ANO2: variants seen among roughly 807,000 people sequenced by gnomAD.
The protein encoded by ANO2 is anoctamin 2, also known as anoctamin-2.
In ANO2, 101 loss-of-function variants were observed where a neutral mutation model predicts 124.2. The ratio of observed to expected loss-of-function variants is 0.81; its 90% CI spans 0.69 to 0.96. The LOEUF (loss-of-function observed/expected upper bound fraction) is 0.96, where lower values mean the gene tolerates loss of function less well. Ranked by LOEUF, ANO2 falls within the 40% of genes least tolerant of loss-of-function variation. The pLI, the probability that ANO2 is intolerant of heterozygous loss-of-function variation, is 0.00. For synonymous variants in ANO2, 486 were observed against 482.5 expected (o/e 1.01, Z -0.09); for missense variants, 1,293 against 1,274.5 (o/e 1.01, Z -0.22).
At chr12:5,734,876 C>T (rs1406474517) in intron 13 of ANO2, among the ~76,000 whole-genome samples, 2 of 152,190 alleles carry the variant, frequency 1.3e-5, no homozygotes, top group Non-Finnish European at 2.9e-5. Flanking sequence ...TCTTGAACTC[C>T]TAACCTCAGG....
At position 5,904,098 on chromosome 12, in the gene ANO2, C is replaced by T. The variant is rs766674863; in HGVS notation, c.534+16942G>A. 9.2e-5 allele frequency among the ~76,000 whole-genome samples: 14 copies of T among 152,208 alleles called. No homozygotes were observed. Among genetic ancestry groups the T allele is most frequent in the Non-Finnish European group, 1.9e-4 (13 of 68,036 alleles). On this transcript the variant is annotated intron_variant, in intron 3 of 24. Transcript: ENST00000682330. The surrounding 1 kb of genome is among the most constrained non-coding windows in gnomAD (Gnocchi z 4.1). ...ACCACATGATCATCCCCTCTTTCTT[C>T]ATCCCAGAGCAATGCAGGCCTCTGT...
intron 16 of ANO2, among the ~76,000 whole-genome samples, 165 bp from the exon 17 acceptor site, chr12:5,615,462 G>C (rs997194689): frequency 4.6e-5 from 7 of 152,276 alleles, no homozygotes; most frequent in African/African-American, 1.4e-4. Context: ...GGAGGCCCCA[G>C]GTGGTCTGCC....
At chr12:5,633,150 A>C (rs1945817166) in intron 16 of ANO2, among the ~76,000 whole-genome samples, 1 of 152,190 alleles carries the variant, frequency 6.6e-6, no homozygotes. Context: ...GGGTGAGAGA[A>C]GGAGGAGTAG....
chr12:5,659,363 T>C (rs2136970553), intron 14 of ANO2, among the ~76,000 whole-genome samples: 1 of 152,240 alleles, frequency 6.6e-6, no homozygotes, highest in Non-Finnish European at 1.5e-5. Flanking sequence ...TGCAAAATGG[T>C]CTTGCTCCCC....
In ANO2 at chr12:5,849,726, C is replaced by A. The variant is rs184059278; in HGVS notation, c.633+4317G>T. Among the ~76,000 whole-genome samples, 371 of 152,242 alleles carry A rather than the reference C, an allele frequency of 2.4e-3. 2 individuals carry two copies. Among genetic ancestry groups the A allele is most frequent in the Non-Finnish European group, 4.1e-3 (276 of 68,006 alleles). The stretch of plus-strand genomic sequence containing the variant: ...ATTTTGTGATTTCCTCCCCATCTTC[C>A]CAGTCTCTCTGGACCCCACCGAGTT... On this transcript the variant is annotated intron_variant, in intron 4 of 24. Transcript: ENST00000682330.
chr12:5,750,266 T>TA (rs942444913), intron 11 of ANO2, among the ~76,000 whole-genome samples: 5 of 152,212 alleles, frequency 3.3e-5, no homozygotes, highest in Admixed American at 3.3e-4. Context: ...CTCTTCCTCA[T>TA]AAAAACTAGC....
intron 3 of ANO2, among the ~76,000 whole-genome samples, chr12:5,894,631 G>A (rs111875077): frequency 3.9e-5 from 6 of 152,066 alleles, no homozygotes; most frequent in African/African-American, 2.4e-5. Context: ...TAGATCTTAC[G>A]TTTAAGTCTT....
rs1300774740 is a variant in ANO2 at position 5,610,853 on chromosome 12, CACACACAA to C, written c.2087+1795_2087+1802del. The stretch of plus-strand genomic sequence containing the variant: ...ACACACACACACACACACACACACA[CACACACAA>C]CCCTAAGGGAAATTATTTCTATAAA... On this transcript the variant is annotated intron_variant, in intron 19 of 24. Coordinates refer to ENST00000682330, the MANE Select transcript of ANO2 (RefSeq NM_001364791.2). 6.3e-3 allele frequency among the ~76,000 whole-genome samples: 927 copies of C among 146,574 alleles called. 7 individuals carry two copies. Among genetic ancestry groups the C allele is most frequent in the African/African-American group, 0.013 (523 of 39,948 alleles).
At chr12:5,911,831 A>C (rs1264808269) in intron 3 of ANO2, among the ~76,000 whole-genome samples, 4 of 152,252 alleles carry the variant, frequency 2.6e-5, no homozygotes, top group Non-Finnish European at 5.9e-5. Flanking sequence ...TCCCGCTCTA[A>C]GATGAAATTG....
At chr12:5,633,639 A>C (rs1945847881) in intron 16 of ANO2, among the ~76,000 whole-genome samples, 1 of 151,690 alleles carries the variant, frequency 6.6e-6, no homozygotes, top group Non-Finnish European at 1.5e-5. Context: ...TTCCCACTCC[A>C]TCGTGCCCTG....
In ANO2 at chr12:5,578,000, C is replaced by T. The variant is rs201112965; in HGVS notation, c.2394G>A (p.Trp798Ter). Reference protein sequence around the residue: ...DAVRTKDIGIWFDILSGIGKF... With the variant: ...DAVRTKDIGI ...TGCCAATTCCAGAGAGAATGTCAAA[C>T]CAGATTCCTACAAGACAGAAAAGAC... The change falls in exon 22 of 25, where the codon TGG becomes TGA. Residue 798 changes from tryptophan (W) to a stop codon, truncating the protein, a stop_gained. Coordinates refer to ENST00000682330, the MANE Select transcript of ANO2 (RefSeq NM_001364791.2). LOFTEE classifies it high-confidence loss of function. 6.2e-7 allele frequency: 1 copy of T among 1,613,756 alleles called. No individual in the cohort carries two copies. Among genetic ancestry groups the T allele is most frequent in the African/African-American group, 1.3e-5 (1 of 75,052 alleles).
chr12:5,827,745 C>A (rs1565702190), intron 7 of ANO2, 24 bp downstream of exon 7: 1 of 1,604,310 alleles, frequency 6.2e-7, no homozygotes, highest in Non-Finnish European at 8.5e-7. Context: ...CGTCAGCACC[C>A]TGCCCGCGGG....
chr12:5,826,706 C>A (rs1953968452), intron 7 of ANO2, among the ~76,000 whole-genome samples: 1 of 152,102 alleles, frequency 6.6e-6, no homozygotes, highest in Non-Finnish European at 1.5e-5. Context: ...TCTAAAAAGA[C>A]TATCATGGCA....
At chr12:5,751,016 T>C in intron 10 of ANO2, 46 bp from the exon 11 acceptor site, 1 of 1,512,272 alleles carries the variant, frequency 6.6e-7, no homozygotes, top group Non-Finnish European at 8.9e-7. Flanking sequence ...AAGAACATCA[T>C]ATACTTTCCT....
chr12:5,578,511 C>G lies in ANO2; in HGVS notation c.2241G>C (p.Gln747His). ...CCACGAAGAGGGTGACAAAACCAAA[C>G]TGGATGACTGCGAGAGAGCACAGCA... The part of the protein sequence containing the change: ...LTPEYMEMII[Q>H]FGFVTLFVAS... The change falls in exon 21 of 25, where the codon CAG becomes CAC. Residue 747 changes from glutamine to histidine, a missense_variant. Gln to His is a conservative substitution (Grantham distance 24). Coordinates refer to ENST00000682330, the MANE Select transcript of ANO2 (RefSeq NM_001364791.2). The G allele has an allele frequency of 6.2e-7, 1 of 1,613,218 alleles. No homozygotes were observed. Among genetic ancestry groups the G allele is most frequent in the Non-Finnish European group, 8.5e-7 (1 of 1,179,590 alleles).
chr12:5,914,107 G>A (rs1941226759), intron 3 of ANO2, among the ~76,000 whole-genome samples: 1 of 152,160 alleles, frequency 6.6e-6, no homozygotes, highest in South Asian at 2.1e-4. Context: ...GGCTGAGGCA[G>A]GAGAATCACT....
At chr12:5,821,912 C>T (rs756254965) in intron 7 of ANO2, among the ~76,000 whole-genome samples, 43 of 152,046 alleles carry the variant, frequency 2.8e-4, no homozygotes, top group Non-Finnish European at 5.1e-4. Context: ...GGTCTTCATT[C>T]CTGCCACCCT....
At chr12:5,571,461 T>G (rs865925400) in intron 23 of ANO2, among the ~76,000 whole-genome samples, 2 of 152,212 alleles carry the variant, frequency 1.3e-5, no homozygotes, top group Non-Finnish European at 2.9e-5. Flanking sequence ...CTGGCGAGGC[T>G]GGGTTGGAGT....
chr12:5,819,625 G>A (rs983655389), intron 7 of ANO2, among the ~76,000 whole-genome samples: 2 of 152,210 alleles, frequency 1.3e-5, no homozygotes, highest in African/African-American at 2.4e-5. Flanking sequence ...GGATGGTGGA[G>A]TGGATTAGTC....
Sources: gnomAD v4.1 joint callset for allele counts (sites outside exome capture counted in the v4.1 genomes callset) on GRCh38, gnomAD v4.1.1 for gene constraint, Gnocchi (gnomAD v3.1) non-coding constraint, MANE v1.5 for transcripts, NCBI Gene and HGNC (gene_info 2026-07-23, HGNC 2026-07-21) for gene names.